The following TMC7 variants were observed in gnomAD, a reference collection of about 807,000 sequenced individuals.
The protein encoded by TMC7 is transmembrane channel like 7.
TMC7 carries 54 observed loss-of-function variants against 82.9 expected under a neutral mutation model. The ratio of observed to expected loss-of-function variants is 0.65; its 90% CI spans 0.52 to 0.82. The LOEUF is 0.82. Ranked by LOEUF, TMC7 falls within the 40% of genes least tolerant of loss-of-function variation. The probability of loss-of-function intolerance (pLI) is 0.00; values close to 1 mark genes in which losing one functional copy is unlikely to be tolerated. For synonymous variants in TMC7, 350 were observed against 337.9 expected, an observed-to-expected ratio of 1.04 and a Z score of -0.39; for missense variants, 820 against 901.2, an observed-to-expected ratio of 0.91 and a Z score of 1.15.
chr16:19,045,251 T>A, intron 10 of TMC7, 90 bp from the exon 11 acceptor site: 2 of 1,070,072 alleles, frequency 1.9e-6, no homozygotes, highest in Non-Finnish European at 2.9e-6. Context: ...GGATCTGGAG[T>A]TGGAAAGGGA....
intron 9 of TMC7, among the ~76,000 whole-genome samples, chr16:19,043,376 T>G (rs1183851338): frequency 1.3e-5 from 2 of 152,148 alleles, no homozygotes; most frequent in Non-Finnish European, 2.9e-5. Context: ...GTCCCAGCTT[T>G]CTGATCTTTT....
In TMC7 at chr16:19,006,116, C is replaced by A. The variant is rs140519899; in HGVS notation, c.68-3056C>A. Among the ~76,000 whole-genome samples the A allele has an allele frequency of 3.3e-5, 5 of 152,252 alleles. No individual in the cohort carries two copies. In the East Asian group the frequency reaches 9.7e-4, roughly 29 times the overall value. On this transcript the variant is annotated intron_variant, in intron 1 of 15. Transcript: ENST00000304381. ...TGTGCCGAGCACTGCCTGGGACCTT[C>A]TACCCATGTGATCCCCTTTAATGTT...
intron 4 of TMC7, among the ~76,000 whole-genome samples, chr16:19,022,645 G>A (rs1257264505): frequency 1.3e-5 from 2 of 152,202 alleles, no homozygotes; most frequent in African/African-American, 2.4e-5. Context: ...TTCGCATGAC[G>A]AAATTGCCTA....
intron 3 of TMC7, among the ~76,000 whole-genome samples, chr16:19,020,853 AAAATAAAT>A (rs144614183): frequency 0.032 from 4,497 of 142,550 alleles, 167 homozygotes; most frequent in African/African-American, 0.09. Context: ...CATGGTGTCA[AAAATAAAT>A]AAATAAATAA....
chr16:19,023,548 G>C (rs1197360046), intron 5 of TMC7, among the ~76,000 whole-genome samples: 2 of 152,290 alleles, frequency 1.3e-5, no homozygotes, highest in African/African-American at 2.4e-5. Flanking sequence ...CTAGGTTCAA[G>C]TGATTCTCCT....
intron 9 of TMC7, among the ~76,000 whole-genome samples, chr16:19,042,051 T>C (rs546727275): frequency 6.6e-6 from 1 of 152,292 alleles, no homozygotes; most frequent in African/African-American, 2.4e-5. Flanking sequence ...TGTCAGTTTT[T>C]AGTTAAGGAA....
chr16:18,991,734 C>T (rs573247821), intron 1 of TMC7, among the ~76,000 whole-genome samples: 13 of 152,194 alleles, frequency 8.5e-5, no homozygotes, highest in Middle Eastern at 6.8e-3. Context: ...ATCCCTCCCC[C>T]GTCCCCGCAC....
In TMC7 at chr16:19,061,852, A is replaced by C. The variant is rs189580041; in HGVS notation, c.*9A>C. The C allele has an allele frequency of 2.9e-5, 46 of 1,612,414 alleles. No homozygotes were observed. In the Admixed American group the frequency reaches 7.7e-4, roughly 27 times the overall value. On this transcript the variant is annotated 3_prime_UTR_variant, in exon 16 of 16. Transcript: ENST00000304381. The stretch of plus-strand genomic sequence containing the variant: ...GGGACATGAGGAACTAACTAGACTG[A>C]GCGTGAAGATGGTGCTGCCTGTTGC...
intron 2 of TMC7, among the ~76,000 whole-genome samples, chr16:19,010,273 G>C (rs1214304012): frequency 1.3e-5 from 2 of 151,594 alleles, no homozygotes; most frequent in African/African-American, 4.9e-5. Flanking sequence ...TCCTGCCTCA[G>C]TCTCCCGAGT....
At chr16:18,984,165 C>T (rs753152906) in intron 1 of TMC7, 35 bp downstream of exon 1, 173 of 1,475,780 alleles carry the variant, frequency 1.2e-4, no homozygotes, top group Non-Finnish European at 6.3e-5. Flanking sequence ...GGGACGGTGC[C>T]CCTGGGGTCC....
chr16:18,984,277 G>A, intron 1 of TMC7, 147 bp downstream of exon 1: 1 of 1,337,906 alleles, frequency 7.5e-7, no homozygotes, highest in Middle Eastern at 2.8e-4. Flanking sequence ...CAGCAGGTGG[G>A]AAGGAGATCT....
At chr16:18,997,169 G>A (rs2039057657) in intron 1 of TMC7, among the ~76,000 whole-genome samples, 1 of 152,222 alleles carries the variant, frequency 6.6e-6, no homozygotes, top group African/African-American at 2.4e-5. Flanking sequence ...TCCCGAAGGA[G>A]TCCTCCCGTC....
At chr16:19,034,892 A>C (rs1332879093) in intron 6 of TMC7, among the ~76,000 whole-genome samples, 3 of 152,220 alleles carry the variant, frequency 2.0e-5, no homozygotes, top group Non-Finnish European at 4.4e-5. Context: ...GCAGAGCTGG[A>C]TCATATAGGA....
At chr16:19,001,450 G>A (rs111955615) in intron 1 of TMC7, among the ~76,000 whole-genome samples, 1,937 of 152,338 alleles carry the variant, frequency 0.013, 47 homozygotes, top group African/African-American at 0.044. Context: ...GGAGGCTGAG[G>A]TGGGAGGATC....
At chr16:19,010,944 C>T (rs1370451859) in intron 2 of TMC7, among the ~76,000 whole-genome samples, 1 of 152,118 alleles carries the variant, frequency 6.6e-6, no homozygotes, top group Non-Finnish European at 1.5e-5. Context: ...AAAACCAGCT[C>T]AGCTTCCCTC....
At chr16:19,017,339 ATAATT>A (rs1359868325) in intron 3 of TMC7, among the ~76,000 whole-genome samples, 2 of 149,550 alleles carry the variant, frequency 1.3e-5, no homozygotes, top group East Asian at 1.9e-4. Context: ...AAATTATTTA[ATAATT>A]TAATTTAAAT....
At chr16:19,059,686 G>C in intron 15 of TMC7, 192 bp downstream of exon 15, 1 of 1,534,812 alleles carries the variant, frequency 6.5e-7, no homozygotes, top group African/African-American at 1.4e-5. Context: ...CCTTCAAGAT[G>C]TGTATTAAGG....
intron 1 of TMC7, among the ~76,000 whole-genome samples, chr16:18,987,020 T>G (rs1308677448): frequency 6.6e-6 from 1 of 152,118 alleles, no homozygotes; most frequent in Non-Finnish European, 1.5e-5. Flanking sequence ...TTAGCCAGGA[T>G]GGTCTCGATC....
chr16:18,991,448 T>C (rs1487296082), intron 1 of TMC7, among the ~76,000 whole-genome samples: 1 of 152,134 alleles, frequency 6.6e-6, no homozygotes, highest in East Asian at 1.9e-4. Context: ...CCAGATTGAT[T>C]TAGGTAAAAA....
Sources: allele counts gnomAD v4.1 joint callset (sites outside exome capture counted in the v4.1 genomes callset), GRCh38; gene constraint gnomAD v4.1.1; transcripts MANE v1.5; gene names NCBI Gene and HGNC (gene_info 2026-07-23, HGNC 2026-07-21).